KIAA1217: variants seen among roughly 807,000 people sequenced by gnomAD.
KIAA1217 encodes the protein sickle tail protein homolog.
KIAA1217 carries 88 observed loss-of-function variants against 163.9 expected under a neutral mutation model. That is an observed-to-expected ratio of 0.54 (90% confidence interval 0.45 to 0.64). KIAA1217 has a LOEUF of 0.64. Among genes scored for constraint, KIAA1217 ranks in the 30% least tolerant of loss-of-function variants. The pLI, the probability that KIAA1217 is intolerant of heterozygous loss-of-function variation, is 0.00. For synonymous variants in KIAA1217, 903 were observed against 923.1 expected (o/e 0.98, Z 0.39); for missense variants, 2,372 against 2,475.0 (o/e 0.96, Z 0.88).
chr10:24,341,894 C>T (rs2047147228), intron 2 of KIAA1217, among the ~76,000 whole-genome samples: 1 of 151,920 alleles, frequency 6.6e-6, no homozygotes, highest in African/African-American at 2.4e-5. Flanking sequence ...GCCACATAGA[C>T]TTGGAATATC....
At chr10:23,898,999 A>G (rs80026601) in intron 1 of KIAA1217, among the ~76,000 whole-genome samples, 1 of 152,184 alleles carries the variant, frequency 6.6e-6, no homozygotes, top group Non-Finnish European at 1.5e-5. Context: ...GTTGTTGACT[A>G]CTTTCCACTG....
intron 2 of KIAA1217, among the ~76,000 whole-genome samples, chr10:24,193,633 T>C (rs1229452134): frequency 1.3e-5 from 2 of 152,210 alleles, no homozygotes; most frequent in East Asian, 1.9e-4. Flanking sequence ...TTGTTTCTTC[T>C]TGAGGAAATA....
intron 17 of KIAA1217, among the ~76,000 whole-genome samples, chr10:24,539,354 G>A (rs538339131): frequency 3.4e-4 from 52 of 151,612 alleles, no homozygotes; most frequent in Middle Eastern, 3.4e-3. Context: ...TCAGCCTCCC[G>A]AGTAGCTGGG....
chr10:24,467,529 T>C (rs2063072956), intron 5 of KIAA1217, among the ~76,000 whole-genome samples: 1 of 152,248 alleles, frequency 6.6e-6, no homozygotes, highest in African/African-American at 2.4e-5. Flanking sequence ...CAAATAGTTA[T>C]CTGTGTTGTA....
intron 2 of KIAA1217, among the ~76,000 whole-genome samples, chr10:24,192,744 C>G (rs11013947): frequency 0.011 from 1,671 of 152,320 alleles, 27 homozygotes; most frequent in African/African-American, 0.037. Context: ...GTGGTGCTTA[C>G]AGCAAGACCT....
intron 2 of KIAA1217, among the ~76,000 whole-genome samples, chr10:24,115,506 C>T (rs1411374270): frequency 6.6e-6 from 1 of 152,182 alleles, no homozygotes; most frequent in Non-Finnish European, 1.5e-5. Flanking sequence ...TCCAGTAATA[C>T]ACATGATCTC....
At chr10:24,142,651 C>T (rs983016528) in intron 2 of KIAA1217, among the ~76,000 whole-genome samples, 1 of 152,032 alleles carries the variant, frequency 6.6e-6, no homozygotes, top group African/African-American at 2.4e-5. Flanking sequence ...ATAGAAGATG[C>T]TGGGAACTAT....
At chr10:24,529,649 A>C (rs992627596) in intron 14 of KIAA1217, among the ~76,000 whole-genome samples, 2 of 152,026 alleles carry the variant, frequency 1.3e-5, no homozygotes, top group Admixed American at 6.6e-5. Context: ...AGTCTGTGCT[A>C]AGAGGCTTTT....
intron 1 of KIAA1217, among the ~76,000 whole-genome samples, chr10:23,721,646 G>C (rs1272532246): frequency 1.3e-5 from 2 of 151,752 alleles, no homozygotes; most frequent in African/African-American, 4.8e-5. Flanking sequence ...TGGTTACCTT[G>C]AAGATAAATA....
intron 2 of KIAA1217, among the ~76,000 whole-genome samples, chr10:24,081,886 C>T (rs2061549612): frequency 6.6e-6 from 1 of 152,126 alleles, no homozygotes; most frequent in Non-Finnish European, 1.5e-5. Context: ...TTGGAAGCTA[C>T]TTACATTCTA....
chr10:24,269,631 C>G (rs750390991), intron 2 of KIAA1217, among the ~76,000 whole-genome samples: 1 of 152,190 alleles, frequency 6.6e-6, no homozygotes, highest in Non-Finnish European at 1.5e-5. Context: ...TCCCTCTGGG[C>G]TTACCACACT....
intron 6 of KIAA1217, among the ~76,000 whole-genome samples, chr10:24,474,443 A>T (rs117761040): frequency 0.014 from 2,196 of 152,348 alleles, 30 homozygotes; most frequent in Admixed American, 0.031. Flanking sequence ...TACTGCTGAA[A>T]ATAAGGAGTG....
At chr10:24,075,555 C>G (rs1395324927) in intron 2 of KIAA1217, among the ~76,000 whole-genome samples, 1 of 151,716 alleles carries the variant, frequency 6.6e-6, no homozygotes, top group Non-Finnish European at 1.5e-5. Context: ...CCATGGCTTC[C>G]CAAGTAACCT....
intron 2 of KIAA1217, among the ~76,000 whole-genome samples, chr10:24,024,904 A>G (rs1234115724): frequency 2.6e-5 from 4 of 151,818 alleles, no homozygotes; most frequent in Non-Finnish European, 5.9e-5. Flanking sequence ...TTGATTTTTA[A>G]GAATTCTTTA....
intron 1 of KIAA1217, among the ~76,000 whole-genome samples, chr10:23,766,835 G>C (rs973374990): frequency 6.6e-6 from 1 of 152,044 alleles, no homozygotes; most frequent in Non-Finnish European, 1.5e-5. Flanking sequence ...CAAATGATCT[G>C]CCTGCCTTGG....
chr10:23,850,221 G>A (rs1261298104), intron 1 of KIAA1217, among the ~76,000 whole-genome samples: 3 of 152,070 alleles, frequency 2.0e-5, no homozygotes, highest in Non-Finnish European at 4.4e-5. Flanking sequence ...TCACTCCATG[G>A]TTAACATCTT....
intron 1 of KIAA1217, among the ~76,000 whole-genome samples, chr10:23,938,034 A>G (rs1253350128): frequency 6.6e-6 from 1 of 152,192 alleles, no homozygotes; most frequent in Non-Finnish European, 1.5e-5. Flanking sequence ...TAAAGAAAGA[A>G]GTGAATACAA....
chr10:23,794,640 T>G (rs1011003123), intron 1 of KIAA1217, among the ~76,000 whole-genome samples: 4 of 152,194 alleles, frequency 2.6e-5, no homozygotes, highest in African/African-American at 9.7e-5. Context: ...AGAACAAAAT[T>G]TTAGATTTCC....
chr10:24,523,268 G>A (rs7909246), intron 12 of KIAA1217, among the ~76,000 whole-genome samples: 1 of 152,110 alleles, frequency 6.6e-6, no homozygotes, highest in Non-Finnish European at 1.5e-5. Context: ...GCTGCAGTGG[G>A]CTAGGATTGA....
Sources: allele counts gnomAD v4.1 joint callset (sites outside exome capture counted in the v4.1 genomes callset), GRCh38; gene constraint gnomAD v4.1.1; transcripts MANE v1.5; gene names NCBI Gene and HGNC (gene_info 2026-07-23, HGNC 2026-07-21).